BTBD9: variants seen among roughly 807,000 people sequenced by gnomAD.
BTBD9 encodes the protein BTB domain containing 9, also known as BTB/POZ domain-containing protein 9.
BTBD9 carries 49 observed loss-of-function variants against 64.3 expected under a neutral mutation model. The observed-to-expected ratio is 0.76, with a 90% CI of 0.61 to 0.97. The LOEUF (loss-of-function observed/expected upper bound fraction) is 0.97. BTBD9 is among the 50% of genes least tolerant of loss of function. BTBD9 has a pLI of 0.00. For missense variants in BTBD9, 598 were observed against 762.1 expected (o/e 0.78, Z 2.53); for synonymous variants, 260 against 274.7 (o/e 0.95, Z 0.53).
At chr6:38,622,515 A>T (rs1778022187) in intron 1 of BTBD9, among the ~76,000 whole-genome samples, 1 of 152,172 alleles carries the variant, frequency 6.6e-6, no homozygotes, top group Admixed American at 6.5e-5. Context: ...CTGCACCTGG[A>T]GGCCACAATC....
At chr6:38,493,053 C>T (rs1014595735) in intron 6 of BTBD9, among the ~76,000 whole-genome samples, 2 of 152,084 alleles carry the variant, frequency 1.3e-5, no homozygotes, top group Admixed American at 1.3e-4. Flanking sequence ...AACTTACATA[C>T]AAAAATTCCA....
At chr6:38,330,504 T>C (rs941428298) in intron 7 of BTBD9, among the ~76,000 whole-genome samples, 6 of 152,064 alleles carry the variant, frequency 3.9e-5, no homozygotes, top group Non-Finnish European at 5.9e-5. Context: ...CTGGGCAACA[T>C]AGCAAGACCT....
intron 10 of BTBD9, among the ~76,000 whole-genome samples, chr6:38,177,395 G>A (rs77403835): frequency 0.054 from 8,274 of 152,200 alleles, 323 homozygotes; most frequent in Non-Finnish European, 0.092. Flanking sequence ...GGCCCACCCC[G>A]CTGCCTGCCT....
At chr6:38,419,692 G>C (rs1767820089) in intron 6 of BTBD9, among the ~76,000 whole-genome samples, 1 of 152,082 alleles carries the variant, frequency 6.6e-6, no homozygotes, top group South Asian at 2.1e-4. Context: ...CCAACATGGA[G>C]AAACCCCATC....
At chr6:38,639,374 G>A (rs1265495355) in intron 1 of BTBD9, among the ~76,000 whole-genome samples, 1 of 152,158 alleles carries the variant, frequency 6.6e-6, no homozygotes, top group Non-Finnish European at 1.5e-5. Flanking sequence ...TCAGAGGCTG[G>A]CCAGGGCAGG....
At chr6:38,567,968 T>G (rs1251930175) in intron 6 of BTBD9, among the ~76,000 whole-genome samples, 1 of 152,198 alleles carries the variant, frequency 6.6e-6, no homozygotes, top group African/African-American at 2.4e-5. Context: ...TCAGGGATTT[T>G]AGAGAGCTAA....
intron 4 of BTBD9, chr6:38,587,478 T>A: frequency 1.8e-6 from 1 of 551,418 alleles, no homozygotes; most frequent in Admixed American, 2.3e-5. Flanking sequence ...AACTTCTGCG[T>A]AATGTTGAAG....
At chr6:38,361,072 G>T (rs933814577) in intron 6 of BTBD9, among the ~76,000 whole-genome samples, 5 of 152,136 alleles carry the variant, frequency 3.3e-5, no homozygotes, top group African/African-American at 9.7e-5. Context: ...GTCTGGATCA[G>T]TGTTTCTTGA....
At position 38,435,111 on chromosome 6, in the gene BTBD9, T is replaced by G. The variant is rs564111236; in HGVS notation, c.1155-90018A>C. Reference sequence around the variant, plus strand: ...CGGGAGGCTGAAGCAGGAGAATAGCTTGAACCTGGAAGGCAGAGGTTGCAG... The same window carrying G: ...CGGGAGGCTGAAGCAGGAGAATAGCGTGAACCTGGAAGGCAGAGGTTGCAG... On this transcript the variant is annotated intron_variant, in intron 6 of 10. Coordinates refer to ENST00000481247, the MANE Select transcript of BTBD9 (RefSeq NM_001099272.2). Among the ~76,000 whole-genome samples the G allele has an allele frequency of 2.2e-3, 320 of 147,782 alleles. 1 individual carries two copies. The highest frequency in any genetic ancestry group is 3.8e-3 in the Non-Finnish European group (260 of 67,734).
intron 6 of BTBD9, among the ~76,000 whole-genome samples, chr6:38,426,529 C>T (rs1272418010): frequency 1.3e-5 from 2 of 151,916 alleles, no homozygotes; most frequent in African/African-American, 2.4e-5. Flanking sequence ...CGCCATCCAC[C>T]ACTGCTGTTT....
intron 6 of BTBD9, among the ~76,000 whole-genome samples, chr6:38,392,719 C>T (rs967498809): frequency 3.3e-5 from 5 of 152,118 alleles, no homozygotes; most frequent in East Asian, 1.9e-4. Context: ...TTCCAAAGAC[C>T]GTGCCCTTTT....
At chr6:38,327,027 C>T (rs1053248633) in intron 7 of BTBD9, among the ~76,000 whole-genome samples, 2 of 152,188 alleles carry the variant, frequency 1.3e-5, no homozygotes, top group Non-Finnish European at 2.9e-5. Context: ...TGGAAAACAA[C>T]TTCACCAAGG....
chr6:38,313,313 A>G (rs879489899), intron 7 of BTBD9, among the ~76,000 whole-genome samples: 18 of 152,180 alleles, frequency 1.2e-4, no homozygotes, highest in Admixed American at 1.0e-3. Flanking sequence ...ATATAGGATC[A>G]TATCTTCAAA....
In BTBD9 at chr6:38,366,710, A is replaced by T. The variant is rs574333789; in HGVS notation, c.1155-21617T>A. Among the ~76,000 whole-genome samples the T allele has an allele frequency of 2.3e-4, 35 of 152,360 alleles. 1 individual carries two copies. The highest frequency in any genetic ancestry group is 1.6e-3 in the Admixed American group (24 of 15,302). ...ATTGGTCCCATGAAGGAAGTGGAAA[A>T]GAATGATGAATGTAATGGTGATCGA... On this transcript the variant is annotated intron_variant, in intron 6 of 10. Transcript: ENST00000481247.
At chr6:38,413,663 G>A (rs1299952664) in intron 6 of BTBD9, among the ~76,000 whole-genome samples, 1 of 150,940 alleles carries the variant, frequency 6.6e-6, no homozygotes, top group African/African-American at 2.5e-5. Flanking sequence ...TGTTTTACAT[G>A]TCATTTTCCT....
chr6:38,558,667 G>A (rs1775137427), intron 6 of BTBD9, among the ~76,000 whole-genome samples: 1 of 152,142 alleles, frequency 6.6e-6, no homozygotes, highest in Admixed American at 6.5e-5. Context: ...TTTAAATTCT[G>A]TTCACGTGGT....
chr6:38,280,964 T>A (rs1026232602), intron 8 of BTBD9, among the ~76,000 whole-genome samples: 1 of 152,210 alleles, frequency 6.6e-6, no homozygotes, highest in African/African-American at 2.4e-5. Context: ...CTGCAAAGAC[T>A]CAAGCTCATC....
At chr6:38,532,738 C>G (rs905649306) in intron 6 of BTBD9, among the ~76,000 whole-genome samples, 13 of 152,020 alleles carry the variant, frequency 8.6e-5, no homozygotes, top group African/African-American at 2.9e-4. Flanking sequence ...GGATCCATCA[C>G]CTGCTGACTA....
chr6:38,432,591 A>G (rs550070661), intron 6 of BTBD9, among the ~76,000 whole-genome samples: 1 of 152,086 alleles, frequency 6.6e-6, no homozygotes, highest in South Asian at 2.1e-4. Context: ...AACTGATCCT[A>G]TAGATAACAC....
Sources: gnomAD v4.1 joint callset for allele counts (sites outside exome capture counted in the v4.1 genomes callset) on GRCh38, gnomAD v4.1.1 for gene constraint, MANE v1.5 for transcripts, NCBI Gene and HGNC (gene_info 2026-07-23, HGNC 2026-07-21) for gene names.